The following EGFR variants were observed in gnomAD, a reference collection of about 807,000 sequenced individuals.
EGFR encodes epidermal growth factor receptor, also known as avian erythroblastic leukemia viral (v-erb-b) oncogene homolog.
EGFR carries 58 observed loss-of-function variants against 143.0 expected under a neutral mutation model. That is an observed-to-expected ratio of 0.41 (90% confidence interval 0.33 to 0.50). The LOEUF (loss-of-function observed/expected upper bound fraction) is 0.50, where lower values mean the gene tolerates loss of function less well. Among genes scored for constraint, EGFR ranks in the 20% least tolerant of loss-of-function variants. The pLI, the probability that EGFR is intolerant of heterozygous loss-of-function variation, is 0.39. For synonymous variants in EGFR, 613 were observed against 594.4 expected, an observed-to-expected ratio of 1.03 and a Z score of -0.45; for missense variants, 1,307 against 1,579.0, an observed-to-expected ratio of 0.83 and a Z score of 2.92.
intron 19 of EGFR, 36 bp downstream of exon 19, chr7:55,174,856 T>C (rs373893232): frequency 1.7e-5 from 27 of 1,551,984 alleles, no homozygotes; most frequent in Non-Finnish European, 2.4e-5. Flanking sequence ...GGTCCATGGC[T>C]CTGAACCTCA....
chr7:55,156,281 G>T, intron 8 of EGFR, among the ~76,000 whole-genome samples: 1 of 152,196 alleles, frequency 6.6e-6, no homozygotes, highest in East Asian at 1.9e-4. Flanking sequence ...AGAACGCAAG[G>T]TCAGTGTGAG....
intron 1 of EGFR, among the ~76,000 whole-genome samples, chr7:55,022,014 C>A (rs1053149072): frequency 6.6e-6 from 1 of 152,162 alleles, no homozygotes; most frequent in South Asian, 2.1e-4. Context: ...AATGTCAGAG[C>A]TGGCAAGGGG....
rs555477367 is a variant in EGFR at position 55,019,215 on chromosome 7, C to G, written c.-63C>G. 15 of 1,307,776 alleles carry G rather than the reference C, an allele frequency of 1.1e-5. No homozygotes were observed. Among genetic ancestry groups the G allele is most frequent in the African/African-American group, 1.1e-4 (7 of 64,542 alleles). 81.0% of individuals were successfully genotyped at this position (1,307,776 alleles called of 1,614,324 possible). ...CCGCCAACGCCACAACCACCGCGCA[C>G]GGCCCCCTGACTCCGTCCAGTATTG... On this transcript the variant is annotated 5_prime_UTR_variant, in exon 1 of 28. Transcript: ENST00000275493.
intron 24 of EGFR, 39 bp downstream of exon 24, chr7:55,200,452 C>T (rs1404764190): frequency 5.1e-6 from 8 of 1,570,640 alleles, no homozygotes; most frequent in Non-Finnish European, 7.0e-6. Context: ...GGAAGAGTCC[C>T]TCTAATGAGC....
At position 55,172,726 on chromosome 7, in the gene EGFR, G is replaced by A. The variant is rs142111675; in HGVS notation, c.1920-257G>A. On this transcript the variant is annotated intron_variant, in intron 16 of 27. Coordinates refer to ENST00000275493, the MANE Select transcript of EGFR (RefSeq NM_005228.5). ...CAAATTGAAAAATACTCATTATATG[G>A]AGAGGTCCAGATAAAGCCTCAATTT... The A allele has an allele frequency of 1.0e-4, 86 of 824,706 alleles. 5 individuals carry two copies. In the African/African-American group the frequency reaches 1.3e-3, roughly 13 times the overall value. The allele number at this position is 824,706 out of a possible 1,614,324, so 51.1% of individuals were successfully genotyped here. A position where few individuals can be genotyped will look rare whatever the true frequency, so the allele number is the denominator to read the frequency against.
rs544411004 is a variant in EGFR, at chr7:55,094,124, G to A, written c.89-48162G>A. Among the ~76,000 whole-genome samples the A allele has an allele frequency of 2.6e-5, 4 of 152,246 alleles. No homozygotes were observed. In the South Asian group the frequency reaches 8.3e-4, roughly 32 times the overall value. On this transcript the variant is annotated intron_variant, in intron 1 of 27. Coordinates refer to ENST00000275493, the MANE Select transcript of EGFR (RefSeq NM_005228.5). ...ACCAAGGAAAAGTTTTTTCTGAAGG[G>A]GGCTGCTTGACAGGATGACATCTGG... is the stretch of plus-strand genomic sequence containing the variant.
chr7:55,154,373 T>C (rs2128935624), intron 7 of EGFR, among the ~76,000 whole-genome samples: 1 of 152,352 alleles, frequency 6.6e-6, no homozygotes, highest in East Asian at 1.9e-4. Flanking sequence ...CCATGGGGGC[T>C]GCTCAGTGCA....
At chr7:55,068,631 T>C (rs1451389898) in intron 1 of EGFR, among the ~76,000 whole-genome samples, 1 of 152,022 alleles carries the variant, frequency 6.6e-6, no homozygotes, top group East Asian at 1.9e-4. Context: ...CAGCCCTTAC[T>C]GAAGCCGTTA....
Position 55,201,756 on chromosome 7 carries a change from A to T in EGFR, c.3136A>T (p.Thr1046Ser). The change falls in exon 26 of 28, where the codon ACC becomes TCC. Residue 1046 changes from threonine (T) to serine (S), a missense_variant. Physicochemically the swap from Thr to Ser is moderately conservative, Grantham distance 58. Coordinates refer to ENST00000275493, the MANE Select transcript of EGFR (RefSeq NM_005228.5). The stretch of plus-strand genomic sequence containing the variant: ...TCAGAGTGCAACCAGCAACAATTCC[A>T]CCGTGGCTTGCATTGATAGAAATGG... ...SSLSATSNNS[T>S]VACIDRNGLQ... is the part of the protein sequence containing the mutation. 6.2e-7 allele frequency: 1 copy of T among 1,614,108 alleles called. No homozygotes were observed. Among genetic ancestry groups the T allele is most frequent in the Non-Finnish European group, 8.5e-7 (1 of 1,180,012 alleles).
At chr7:55,181,742 G>A (rs192923086) in intron 20 of EGFR, 6 of 541,738 alleles carry the variant, frequency 1.1e-5, no homozygotes, top group African/African-American at 1.9e-5. Context: ...GTGGTCTGAT[G>A]TCTCTGTTCT....
At chr7:55,143,557 G>A in intron 3 of EGFR, 69 bp downstream of exon 3, 1 of 1,563,520 alleles carries the variant, frequency 6.4e-7, no homozygotes, top group South Asian at 1.1e-5. Context: ...CTCCCAGCGA[G>A]CTTGTCACTC....
chr7:55,146,771 C>T (rs2128929742), intron 4 of EGFR, 31 bp downstream of exon 4: 1 of 1,613,910 alleles, frequency 6.2e-7, no homozygotes, highest in Non-Finnish European at 8.5e-7. Flanking sequence ...ATCTCTGCCT[C>T]CAGCTCCTAT....
At chr7:55,046,341 T>C (rs569260450) in intron 1 of EGFR, among the ~76,000 whole-genome samples, 2 of 152,218 alleles carry the variant, frequency 1.3e-5, no homozygotes, top group Non-Finnish European at 2.9e-5. Context: ...TCAGTTTCTT[T>C]CTGACATTCT....
chr7:55,198,075 G>C (rs1380094239), intron 22 of EGFR, among the ~76,000 whole-genome samples: 4 of 152,106 alleles, frequency 2.6e-5, no homozygotes. Context: ...AGTAGGAATG[G>C]TACCAGCTTT....
intron 1 of EGFR, among the ~76,000 whole-genome samples, chr7:55,071,690 G>T (rs1419977381): frequency 6.6e-6 from 1 of 152,230 alleles, no homozygotes; most frequent in East Asian, 1.9e-4. Flanking sequence ...TCTAAAAAAA[G>T]ATATTTTTCT....
chr7:55,109,025 A>G (rs1792305400), intron 1 of EGFR, among the ~76,000 whole-genome samples: 1 of 152,218 alleles, frequency 6.6e-6, no homozygotes, highest in African/African-American at 2.4e-5. Flanking sequence ...GTGAGACTGC[A>G]ATAGAGTGAT....
At chr7:55,151,567 T>C (rs920489188) in intron 5 of EGFR, among the ~76,000 whole-genome samples, 2 of 152,196 alleles carry the variant, frequency 1.3e-5, no homozygotes, top group Non-Finnish European at 2.9e-5. Flanking sequence ...AGCTTCAGCC[T>C]ATCACAAATA....
intron 1 of EGFR, among the ~76,000 whole-genome samples, chr7:55,039,135 TG>T (rs1787763976): frequency 6.6e-6 from 1 of 152,212 alleles, no homozygotes; most frequent in Middle Eastern, 3.2e-3. Context: ...TTATGAAATT[TG>T]AGATCCATCA....
rs2128853424 is a variant in EGFR at position 55,019,323 on chromosome 7, G to A, written c.46G>A (p.Ala16Thr). ...CGGGGCAGCGCTCCTGGCGCTGCTG[G>A]CTGCGCTCTGCCCGGCGAGTCGGGC... Reference protein sequence around the residue: ...TAGAALLALLAALCPASRALE... With the variant: ...TAGAALLALLTALCPASRALE... Residue 16 changes from alanine to threonine, a missense_variant, in exon 1 of 28, where the codon GCT becomes ACT. By Grantham distance (58) the Ala-to-Thr change is moderately conservative. This residue lies in a region of EGFR where 65 missense variants were observed against 37.8 expected (regional missense o/e 1.72). Coordinates refer to ENST00000275493, the MANE Select transcript of EGFR (RefSeq NM_005228.5). 1.3e-6 allele frequency: 2 copies of A among 1,522,450 alleles called. No individual in the cohort carries two copies. Among genetic ancestry groups the A allele is most frequent in the Non-Finnish European group, 1.8e-6 (2 of 1,131,192 alleles). 94.3% of individuals were successfully genotyped at this position (1,522,450 alleles called of 1,614,324 possible).
Sources: gnomAD v4.1 joint callset for allele counts (sites outside exome capture counted in the v4.1 genomes callset) on GRCh38, gnomAD v4.1.1 for gene constraint, gnomAD v4.1.1 regional missense constraint, MANE v1.5 for transcripts, NCBI Gene and HGNC (gene_info 2026-07-23, HGNC 2026-07-21) for gene names.